The following LSAMP variants were observed in gnomAD, a reference collection of about 807,000 sequenced individuals.
The protein encoded by LSAMP is limbic system associated membrane protein, also known as limbic system-associated membrane protein.
In LSAMP, 7 loss-of-function variants were observed where a neutral mutation model predicts 38.6. The observed-to-expected ratio is 0.18, with a 90% CI of 0.10 to 0.34. LSAMP has a LOEUF of 0.34. Among genes scored for constraint, LSAMP ranks in the 10% least tolerant of loss-of-function variants. The pLI is 1.00. For missense variants in LSAMP, 313 were observed against 420.0 expected (o/e 0.75, Z 2.23); for synonymous variants, 154 against 166.8 (o/e 0.92, Z 0.59).
intron 2 of LSAMP, among the ~76,000 whole-genome samples, chr3:116,041,251 C>A (rs1343399097): frequency 2.0e-5 from 3 of 151,946 alleles, no homozygotes; most frequent in Non-Finnish European, 4.4e-5. Flanking sequence ...CCATATTAGC[C>A]AACAAAATGG....
intron 2 of LSAMP, among the ~76,000 whole-genome samples, chr3:116,035,375 A>G (rs1941024060): frequency 6.6e-6 from 1 of 152,166 alleles, no homozygotes; most frequent in Non-Finnish European, 1.5e-5. Context: ...TATAGGTCCT[A>G]ACCTGGAGTA....
intron 6 of LSAMP, among the ~76,000 whole-genome samples, chr3:115,810,657 G>A (rs112156258): frequency 0.018 from 2,711 of 152,272 alleles, 59 homozygotes; most frequent in African/African-American, 0.058. Flanking sequence ...TGCTTTTGCC[G>A]GGTAAGTCCT....
At chr3:115,814,969 A>C (rs1933967190) in intron 6 of LSAMP, among the ~76,000 whole-genome samples, 1 of 152,148 alleles carries the variant, frequency 6.6e-6, no homozygotes, top group Non-Finnish European at 1.5e-5. Context: ...CTTTGGCGCC[A>C]CCTGCTGTCC....
intron 4 of LSAMP, among the ~76,000 whole-genome samples, chr3:115,850,969 C>T (rs954270415): frequency 8.1e-6 from 1 of 122,946 alleles, no homozygotes; most frequent in African/African-American, 4.4e-5. Flanking sequence ...AAATCTCTCT[C>T]TCTCTCTCTC....
intron 3 of LSAMP, among the ~76,000 whole-genome samples, chr3:115,866,150 T>G (rs1436904903): frequency 6.6e-6 from 1 of 152,180 alleles, no homozygotes; most frequent in African/African-American, 2.4e-5. Flanking sequence ...AGAGCTAAGA[T>G]GCCTGTGTGA....
At chr3:115,978,095 A>C (rs543384769) in intron 3 of LSAMP, among the ~76,000 whole-genome samples, 1 of 152,036 alleles carries the variant, frequency 6.6e-6, no homozygotes, top group African/African-American at 2.4e-5. Context: ...TGCAGCCTCG[A>C]ACTCCTGGAC....
In LSAMP at chr3:116,341,410, A is replaced by G. The variant is rs574833372; in HGVS notation, c.155+103467T>C. Among the ~76,000 whole-genome samples the G allele has an allele frequency of 4.6e-5, 7 of 152,156 alleles. No individual in the cohort carries two copies. The South Asian group carries it at 1.0e-3, about 23-fold the overall frequency. ...TCCTAGATAAGGAAACAGTAGAAAT[A>G]GCTTATTAATGAACTTTGCAGGTGA... On this transcript the variant is annotated intron_variant, in intron 1 of 6. Transcript: ENST00000490035.
chr3:116,090,233 A>T (rs1302772988), intron 1 of LSAMP, among the ~76,000 whole-genome samples: 1 of 151,880 alleles, frequency 6.6e-6, no homozygotes, highest in East Asian at 1.9e-4. Context: ...AAAGAAAGAG[A>T]AAGAAAAGAA....
At chr3:116,232,757 G>C (rs2046417867) in intron 1 of LSAMP, among the ~76,000 whole-genome samples, 1 of 125,152 alleles carries the variant, frequency 8.0e-6, no homozygotes, top group Non-Finnish European at 1.6e-5. Context: ...GAAGGTCCTA[G>C]TCTCAGATGA....
At chr3:116,373,180 GATAA>G (rs1404568639) in intron 1 of LSAMP, among the ~76,000 whole-genome samples, 1 of 151,210 alleles carries the variant, frequency 6.6e-6, no homozygotes, top group Non-Finnish European at 1.5e-5. Context: ...CCCAGTGACA[GATAA>G]ATAGATAAGC....
chr3:116,325,188 G>A (rs1217719123), intron 1 of LSAMP, among the ~76,000 whole-genome samples: 1 of 151,596 alleles, frequency 6.6e-6, no homozygotes, highest in African/African-American at 2.4e-5. Flanking sequence ...GGAGTGCAGT[G>A]GCTATTTACA....
At chr3:116,266,002 A>C (rs765367806) in intron 1 of LSAMP, among the ~76,000 whole-genome samples, 9 of 152,078 alleles carry the variant, frequency 5.9e-5, no homozygotes, top group Non-Finnish European at 1.0e-4. Flanking sequence ...TGGGGGAGGA[A>C]AGATTTGTCT....
chr3:116,221,511 G>A (rs1187728868), intron 1 of LSAMP, among the ~76,000 whole-genome samples: 1 of 152,182 alleles, frequency 6.6e-6, no homozygotes, highest in Non-Finnish European at 1.5e-5. Flanking sequence ...TGTCTGTAAA[G>A]TGAGATAGAT....
chr3:116,421,973 C>T (rs779705337), intron 1 of LSAMP, among the ~76,000 whole-genome samples: 84 of 152,292 alleles, frequency 5.5e-4, no homozygotes, highest in Non-Finnish European at 1.6e-4. Context: ...AAAGAATTGA[C>T]CATAAATACC....
chr3:116,440,601 A>G (rs994511183), intron 1 of LSAMP, among the ~76,000 whole-genome samples: 2 of 152,232 alleles, frequency 1.3e-5, no homozygotes, highest in Admixed American at 1.3e-4. Flanking sequence ...TTCTCAGGCC[A>G]TAAATGACAA....
At chr3:115,973,701 T>C (rs544915077) in intron 3 of LSAMP, among the ~76,000 whole-genome samples, 5 of 152,250 alleles carry the variant, frequency 3.3e-5, no homozygotes, top group East Asian at 3.9e-4. Flanking sequence ...GCCACTGCAC[T>C]TCAGCCTGGG....
intron 1 of LSAMP, among the ~76,000 whole-genome samples, chr3:116,254,603 C>G (rs900227336): frequency 1.7e-4 from 26 of 152,136 alleles, no homozygotes; most frequent in Admixed American, 7.2e-4. Flanking sequence ...GGTTATAGCA[C>G]AGTTCTGCTA....
intron 6 of LSAMP, among the ~76,000 whole-genome samples, chr3:115,824,484 C>T (rs1042988524): frequency 2.6e-5 from 4 of 152,074 alleles, no homozygotes; most frequent in Admixed American, 1.3e-4. Context: ...GTGCAGATCA[C>T]GAGGTCAGGA....
chr3:116,228,550 A>C (rs1300728562), intron 1 of LSAMP, among the ~76,000 whole-genome samples: 1 of 152,158 alleles, frequency 6.6e-6, no homozygotes, highest in Admixed American at 6.5e-5. Flanking sequence ...GAAATTGATT[A>C]GTCCAATATA....
Sources: allele counts gnomAD v4.1 joint callset (sites outside exome capture counted in the v4.1 genomes callset), GRCh38; gene constraint gnomAD v4.1.1; transcripts MANE v1.5; gene names NCBI Gene and HGNC (gene_info 2026-07-23, HGNC 2026-07-21).